CDH13: variants seen among roughly 807,000 people sequenced by gnomAD.
CDH13 encodes cadherin 13.
Under a neutral mutation model 63.8 loss-of-function variants are expected in CDH13, and 24 were observed. That is an observed-to-expected ratio of 0.38 (90% CI 0.27 to 0.53). CDH13 has a LOEUF of 0.53. Among genes scored for constraint, CDH13 ranks in the 20% least tolerant of loss-of-function variants. CDH13 has a pLI of 0.85. For missense variants in CDH13, 1,049 were observed against 903.1 expected (o/e 1.16, Z -2.07); for synonymous variants, 503 against 355.3 (o/e 1.42, Z -4.67).
intron 6 of CDH13, among the ~76,000 whole-genome samples, chr16:83,391,809 T>C (rs1431865529): frequency 6.6e-6 from 1 of 152,200 alleles, no homozygotes; most frequent in East Asian, 1.9e-4. Flanking sequence ...CAAGATCACC[T>C]CTTTTGACAC....
At chr16:83,458,533 T>C (rs1367007816) in intron 6 of CDH13, among the ~76,000 whole-genome samples, 1 of 152,230 alleles carries the variant, frequency 6.6e-6, no homozygotes, top group Non-Finnish European at 1.5e-5. Context: ...GTTCATCTTA[T>C]AACTCATCTC....
chr16:82,866,480 C>A (rs893065492), intron 2 of CDH13, among the ~76,000 whole-genome samples: 2 of 144,610 alleles, frequency 1.4e-5, no homozygotes, highest in Middle Eastern at 3.5e-3. Context: ...CCTCTGCCTC[C>A]CGGGTTCAAG....
intron 5 of CDH13, among the ~76,000 whole-genome samples, 181 bp downstream of exon 5, chr16:83,217,678 C>G (rs762143505): frequency 3.9e-5 from 6 of 152,084 alleles, no homozygotes; most frequent in African/African-American, 1.4e-4. Context: ...AGTGGGGGGT[C>G]TTTATCTCAT....
intron 1 of CDH13, among the ~76,000 whole-genome samples, chr16:82,738,832 G>T (rs2033804268): frequency 6.6e-6 from 1 of 152,004 alleles, no homozygotes; most frequent in South Asian, 2.1e-4. Flanking sequence ...TTATTTCTTT[G>T]ACTAATGTTA....
At chr16:83,700,838 T>C (rs1022345434) in intron 10 of CDH13, among the ~76,000 whole-genome samples, 1 of 152,186 alleles carries the variant, frequency 6.6e-6, no homozygotes, top group Admixed American at 6.5e-5. Flanking sequence ...TTTTGTGTAA[T>C]TAAACGGGCC....
intron 7 of CDH13, among the ~76,000 whole-genome samples, chr16:83,602,101 C>CA (rs1187641931): frequency 7.2e-4 from 3 of 4,172 alleles, no homozygotes; most frequent in Non-Finnish European, 1.1e-3. Context: ...AAAAAAAGAA[C>CA]AACAACAAAA....
intron 1 of CDH13, among the ~76,000 whole-genome samples, chr16:82,858,155 C>T (rs1057360504): frequency 2.6e-5 from 4 of 152,192 alleles, no homozygotes; most frequent in Admixed American, 6.5e-5. Context: ...TTAATGGAAA[C>T]TGCAGCAGCT....
At chr16:82,830,008 C>G (rs1191770451) in intron 1 of CDH13, among the ~76,000 whole-genome samples, 1 of 152,184 alleles carries the variant, frequency 6.6e-6, no homozygotes, top group Non-Finnish European at 1.5e-5. Context: ...TCTTCCTTTG[C>G]CAAGCTCTTG....
chr16:83,301,688 A>G (rs928768036), intron 5 of CDH13, among the ~76,000 whole-genome samples: 1 of 152,008 alleles, frequency 6.6e-6, no homozygotes, highest in African/African-American at 2.4e-5. Flanking sequence ...ACGTTAGTGT[A>G]CCTTATTATG....
At chr16:82,628,713 C>A (rs1446511665) in intron 1 of CDH13, among the ~76,000 whole-genome samples, 1 of 152,074 alleles carries the variant, frequency 6.6e-6, no homozygotes, top group Non-Finnish European at 1.5e-5. Flanking sequence ...TGGCTGTGAA[C>A]CAGTTTTCCA....
intron 1 of CDH13, among the ~76,000 whole-genome samples, chr16:82,838,321 C>G (rs4624166): frequency 6.6e-6 from 1 of 152,130 alleles, no homozygotes; most frequent in Non-Finnish European, 1.5e-5. Context: ...CATGCCCGTC[C>G]TATTTATTGT....
At chr16:83,262,706 T>C (rs1907138386) in intron 5 of CDH13, among the ~76,000 whole-genome samples, 1 of 152,226 alleles carries the variant, frequency 6.6e-6, no homozygotes, top group Non-Finnish European at 1.5e-5. Flanking sequence ...AAGGGTTTCC[T>C]TAAAAATTCA....
chr16:83,655,070 C>T (rs1912747260), intron 8 of CDH13: 1 of 152,252 alleles, frequency 6.6e-6, no homozygotes, highest in Admixed American at 6.5e-5. Context: ...CAAGGCACTA[C>T]TTGAGATCCT....
intron 2 of CDH13, among the ~76,000 whole-genome samples, chr16:82,900,166 G>A (rs945897946): frequency 6.6e-6 from 1 of 152,096 alleles, no homozygotes; most frequent in African/African-American, 2.4e-5. Context: ...TTCTTGCTGG[G>A]CCCCTTTTAG....
At chr16:82,688,283 C>T (rs957575551) in intron 1 of CDH13, among the ~76,000 whole-genome samples, 1 of 152,172 alleles carries the variant, frequency 6.6e-6, no homozygotes, top group African/African-American at 2.4e-5. Context: ...AACATGGTTT[C>T]TGATCTACAA....
chr16:82,671,137 T>A (rs1167845388), intron 1 of CDH13, among the ~76,000 whole-genome samples: 1 of 152,188 alleles, frequency 6.6e-6, no homozygotes, highest in East Asian at 1.9e-4. Flanking sequence ...TGAATACAAG[T>A]CTGTGCAGTG....
intron 5 of CDH13, among the ~76,000 whole-genome samples, chr16:83,308,482 T>C (rs1156499141): frequency 6.6e-6 from 1 of 152,188 alleles, no homozygotes; most frequent in Non-Finnish European, 1.5e-5. Context: ...AGAATTACAT[T>C]TACTCTCCAC....
At chr16:83,695,416 G>T (rs1438682376) in intron 10 of CDH13, among the ~76,000 whole-genome samples, 2 of 152,160 alleles carry the variant, frequency 1.3e-5, no homozygotes, top group Admixed American at 6.5e-5. Context: ...GTGGATCCCT[G>T]GATCAAGAGT....
intron 4 of CDH13, among the ~76,000 whole-genome samples, chr16:83,135,038 C>G (rs1293577957): frequency 6.6e-6 from 1 of 152,172 alleles, no homozygotes; most frequent in Admixed American, 6.5e-5. Flanking sequence ...GGCATTTCAG[C>G]TTGAATTAGC....
Sources: gnomAD v4.1 joint callset for allele counts (sites outside exome capture counted in the v4.1 genomes callset) on GRCh38, gnomAD v4.1.1 for gene constraint, MANE v1.5 for transcripts, NCBI Gene and HGNC (gene_info 2026-07-23, HGNC 2026-07-21) for gene names.